Variants in NDRG2 observed in about 807,000 individuals in gnomAD.
The protein encoded by NDRG2 is NDRG family member 2.
NDRG2 carries 34 observed loss-of-function variants against 58.2 expected under a neutral mutation model. That is an observed-to-expected ratio of 0.58 (90% CI 0.44 to 0.78). The LOEUF is 0.78. Among genes scored for constraint, NDRG2 ranks in the 30% least tolerant of loss-of-function variants. The pLI is 0.00. For missense variants in NDRG2, 434 were observed against 471.2 expected (o/e 0.92, Z 0.73); for synonymous variants, 187 against 175.9 (o/e 1.06, Z -0.50).
chr14:21,031,866 A>G, intron 1 of NDRG2: 1 of 1,606,784 alleles, frequency 6.2e-7, no homozygotes, highest in Non-Finnish European at 8.5e-7. Context: ...AAAGGAAGAG[A>G]GCTCAAATCC....
rs765075931 is a variant in NDRG2, at chr14:21,058,288, C to T, written c.24+12540G>A. The T allele has an allele frequency of 9.9e-6, 16 of 1,614,198 alleles. 2 individuals are homozygous for T. The South Asian group carries it at 1.8e-4, about 18-fold the overall frequency. On this transcript the variant is annotated intron_variant, in intron 1 of 14. Transcript: ENST00000403829. ...ACCTGAACACACCTTACATAGTGGC[C>T]TGTGACCCTCCACAACAGGGTGACC...
chr14:21,050,492 T>C (rs998594562), intron 1 of NDRG2, among the ~76,000 whole-genome samples: 3 of 152,226 alleles, frequency 2.0e-5, no homozygotes, highest in African/African-American at 7.2e-5. Flanking sequence ...GAATTTGGCA[T>C]ATCCAGAACA....
Position 21,023,372 on chromosome 14 carries a change from C to T in NDRG2, c.-6-51G>A, listed in dbSNP as rs150596480. On this transcript the variant is annotated intron_variant, in intron 1 of 15. Coordinates refer to ENST00000556147, the MANE Select transcript of NDRG2 (RefSeq NM_001320329.2). ...GGAAGTTGTCTCTACATCCCCACAT[C>T]GCCTCAAACACCAGGCTTCCTCTCT... 6.0e-4 allele frequency: 904 copies of T among 1,494,804 alleles called. 4 individuals carry two copies. In the African/African-American group the frequency reaches 0.01, roughly 17 times the overall value. 92.6% of individuals were successfully genotyped at this position (1,494,804 alleles called of 1,614,324 possible).
upstream of NDRG2, chr14:21,025,128 C>T (rs1490471900): frequency 4.0e-5 from 39 of 982,528 alleles, no homozygotes; most frequent in South Asian, 1.3e-3. This position sits in a 1 kb window ranked among gnomAD's most constrained non-coding sequence, Gnocchi z 5.1. Context: ...CCCCAGCCCG[C>T]CCACGGGCGC....
At position 21,049,098 on chromosome 14, in the gene NDRG2, C is replaced by A. The variant is rs1049342767; in HGVS notation, c.24+21730G>T. On this transcript the variant is annotated intron_variant, in intron 1 of 14. Transcript: ENST00000403829. The stretch of plus-strand genomic sequence containing the variant: ...AAGTTGGAGGACTTAGGACCACTAA[C>A]TTTTGAGGGTGCCCTCTGTATTCCC... 9.8e-4 allele frequency among the ~76,000 whole-genome samples: 149 copies of A among 152,304 alleles called. 1 individual carries two copies. The highest frequency in any genetic ancestry group is 8.2e-4 in the Non-Finnish European group (56 of 68,020).
intron 1 of NDRG2, chr14:21,035,863 C>A (rs1476659095): frequency 4.4e-6 from 2 of 456,022 alleles, no homozygotes; most frequent in South Asian, 3.1e-5. Context: ...ATCCCAGCTA[C>A]GGGGAGGCGG....
intron 1 of NDRG2, among the ~76,000 whole-genome samples, chr14:21,068,766 T>A (rs1886434821): frequency 6.6e-6 from 1 of 152,212 alleles, no homozygotes; most frequent in Non-Finnish European, 1.5e-5. Context: ...TTACCGGGGC[T>A]TGTTGCCATA....
At chr14:21,052,809 A>G (rs919725479) in intron 1 of NDRG2, among the ~76,000 whole-genome samples, 3 of 152,218 alleles carry the variant, frequency 2.0e-5, no homozygotes, top group South Asian at 2.1e-4. Flanking sequence ...TACATGCTCA[A>G]TTAAACTCAG....
intron 1 of NDRG2, among the ~76,000 whole-genome samples, chr14:21,069,611 C>G (rs1373554542): frequency 6.6e-6 from 1 of 152,244 alleles, no homozygotes; most frequent in Non-Finnish European, 1.5e-5. Flanking sequence ...GCCTTCGCTG[C>G]TCCCTAACTC....
At chr14:21,057,871 T>C in intron 1 of NDRG2, 11 of 1,604,572 alleles carry the variant, frequency 6.9e-6, no homozygotes, top group Non-Finnish European at 9.4e-6. Context: ...CTCACTCTGT[T>C]CCACTGTCTC....
rs1243447 is a variant in NDRG2 at position 21,019,410 on chromosome 14, C to T, written c.716+229G>A. 4.6e-5 allele frequency among the ~76,000 whole-genome samples: 7 copies of T among 152,300 alleles called. No individual in the cohort carries two copies. The East Asian group carries it at 9.7e-4, about 21-fold the overall frequency. On this transcript the variant is annotated intron_variant, in intron 10 of 15. Transcript: ENST00000556147. ...GGACACAGGACACAAGATCATCTTACTTCTGGGAGTCCAATAATCCAAAGG... is the reference window on the plus strand; with the variant it reads ...GGACACAGGACACAAGATCATCTTATTTCTGGGAGTCCAATAATCCAAAGG...
chr14:21,067,306 G>T (rs1594530574), intron 1 of NDRG2, among the ~76,000 whole-genome samples: 2 of 152,068 alleles, frequency 1.3e-5, no homozygotes, highest in African/African-American at 4.8e-5. Flanking sequence ...TGACCCACGG[G>T]GACATATCTA....
intron 1 of NDRG2, chr14:21,034,838 G>A (rs1400206735): frequency 6.5e-6 from 1 of 153,680 alleles, no homozygotes; most frequent in Non-Finnish European, 1.4e-5. Flanking sequence ...GTGCTAAGAG[G>A]GTTGGATGGG....
upstream of NDRG2, among the ~76,000 whole-genome samples, chr14:21,028,063 C>T (rs1566484050): frequency 6.6e-6 from 1 of 152,204 alleles, no homozygotes; most frequent in East Asian, 1.9e-4. Flanking sequence ...GTGAGTTGCC[C>T]AAGTCCACTC....
rs944389201 is a variant in NDRG2, at chr14:21,022,249, C to G, written c.224-67G>C. The G allele has an allele frequency of 5.0e-6, 8 of 1,610,478 alleles. No individual in the cohort carries two copies. The Middle Eastern group carries it at 8.3e-4, about 166-fold the overall frequency. On this transcript the variant is annotated intron_variant, in intron 4 of 15. Coordinates refer to ENST00000556147, the MANE Select transcript of NDRG2 (RefSeq NM_001320329.2). ...GGACTCGTGTCCCCCAGTCAGAACT[C>G]ACCCTTCCTTTCATGCCACAGTCAG...
chr14:21,058,847 G>A (rs765686535), intron 1 of NDRG2, among the ~76,000 whole-genome samples: 6 of 152,224 alleles, frequency 3.9e-5, no homozygotes, highest in Non-Finnish European at 8.8e-5. Flanking sequence ...AGACTCTGCT[G>A]TTGCTGATGG....
In NDRG2 at chr14:21,024,561, A is replaced by G. The variant is rs1882720135; in HGVS notation, c.-538T>C. The G allele has an allele frequency of 1.0e-6, 1 of 985,342 alleles. No homozygotes were observed. Among genetic ancestry groups the G allele is most frequent in the African/African-American group, 1.7e-5 (1 of 57,242 alleles). 61.0% of individuals were successfully genotyped at this position (985,342 alleles called of 1,614,324 possible). Reference sequence around the variant, plus strand: ...GTTTCCCTCCACAATTTAAAAACAAACACAAAGATTGGTGCCGTCGCTTCT... The same window carrying G: ...GTTTCCCTCCACAATTTAAAAACAAGCACAAAGATTGGTGCCGTCGCTTCT... On this transcript the variant is annotated 5_prime_UTR_variant, in exon 1 of 16. Coordinates refer to ENST00000556147, the MANE Select transcript of NDRG2 (RefSeq NM_001320329.2).
At chr14:21,062,038 C>T (rs1050675388) in intron 1 of NDRG2, among the ~76,000 whole-genome samples, 11 of 152,182 alleles carry the variant, frequency 7.2e-5, no homozygotes, top group East Asian at 1.9e-4. Flanking sequence ...ATCAAATAGT[C>T]GGTGAATACA....
Position 21,043,302 on chromosome 14 carries a change from G to A in NDRG2, c.25-19981C>T, listed in dbSNP as rs202167148. 8.2e-4 allele frequency: 1,328 copies of A among 1,614,202 alleles called. 2 individuals are homozygous for A. Among genetic ancestry groups the A allele is most frequent in the Non-Finnish European group, 1.0e-3 (1,239 of 1,180,038 alleles). On this transcript the variant is annotated intron_variant, in intron 1 of 14. Transcript: ENST00000403829. ...AAACTGCCACCAGAGCCACGGGGCCGTGTCCCTGACCATGTGTAAGCTCAC... is the reference window on the plus strand; with the variant it reads ...AAACTGCCACCAGAGCCACGGGGCCATGTCCCTGACCATGTGTAAGCTCAC...
Sources: gnomAD v4.1 joint callset for allele counts (sites outside exome capture counted in the v4.1 genomes callset) on GRCh38, gnomAD v4.1.1 for gene constraint, Gnocchi (gnomAD v3.1) non-coding constraint, MANE v1.5 for transcripts, NCBI Gene and HGNC (gene_info 2026-07-23, HGNC 2026-07-21) for gene names.